Variants in GNG4 observed in about 807,000 individuals in gnomAD.
GNG4 encodes the protein G protein subunit gamma 4, also known as guanine nucleotide-binding protein G(I)/G(S)/G(O) subunit gamma-4.
Under a neutral mutation model 5.8 loss-of-function variants are expected in GNG4, and 4 were observed. That is an observed-to-expected ratio of 0.69 (90% confidence interval 0.34 to 1.57). The LOEUF is 1.57. GNG4 is among the 40% of genes most tolerant of loss of function. The pLI is 0.06. For missense variants in GNG4, 96 were observed against 95.1 expected (o/e 1.01, Z -0.04); for synonymous variants, 29 against 32.9 (o/e 0.88, Z 0.41).
chr1:235,588,052 C>G (rs1687867803), intron 2 of GNG4, among the ~76,000 whole-genome samples: 1 of 151,906 alleles, frequency 6.6e-6, no homozygotes, highest in African/African-American at 2.4e-5. Flanking sequence ...GCGCCCACCT[C>G]TCTCCCTCCC....
At chr1:235,628,960 C>T (rs113343157) in intron 1 of GNG4, among the ~76,000 whole-genome samples, 1 of 151,200 alleles carries the variant, frequency 6.6e-6, no homozygotes, top group African/African-American at 2.4e-5. Context: ...CACTTGTTCT[C>T]CTTGGAAGCG....
rs539630933 is a variant in GNG4 at position 235,599,363 on chromosome 1, C to T, written c.-122-3852G>A. Among the ~76,000 whole-genome samples the T allele has an allele frequency of 3.3e-5, 5 of 150,294 alleles. 1 individual carries two copies. In the South Asian group the frequency reaches 1.1e-3, roughly 32 times the overall value. ...ACAGAGTCTCGCTTTGTTGCCTAGG[C>T]TGGAGTGCAGTGACGCGATCTTGGT... On this transcript the variant is annotated intron_variant, in intron 1 of 3. Coordinates refer to ENST00000391854, the MANE Select transcript of GNG4 (RefSeq NM_001098722.2).
intron 3 of GNG4, among the ~76,000 whole-genome samples, chr1:235,562,609 C>T (rs936879248): frequency 7.1e-6 from 1 of 139,964 alleles, no homozygotes; most frequent in African/African-American, 2.7e-5. Flanking sequence ...GGCACCACTG[C>T]ACTCCAGCTT....
chr1:235,623,007 TCCAC>T (rs1376532280), intron 1 of GNG4, among the ~76,000 whole-genome samples: 1 of 151,450 alleles, frequency 6.6e-6, no homozygotes, highest in Non-Finnish European at 1.5e-5. Context: ...GCCACTGCAC[TCCAC>T]CCTGGGCAAC....
intron 2 of GNG4, among the ~76,000 whole-genome samples, chr1:235,588,644 G>T (rs757634730): frequency 7.9e-5 from 12 of 151,708 alleles, no homozygotes; most frequent in Non-Finnish European, 1.6e-4. Flanking sequence ...TCCAGCCTCT[G>T]CGAGGCCCTC....
intron 1 of GNG4, among the ~76,000 whole-genome samples, chr1:235,599,343 G>A (rs1688200894): frequency 6.7e-6 from 1 of 149,298 alleles, no homozygotes; most frequent in African/African-American, 2.5e-5. Flanking sequence ...TTGAGACAGA[G>A]TCTCGCTTTG....
At chr1:235,561,832 C>T (rs571351851) in intron 3 of GNG4, among the ~76,000 whole-genome samples, 317 of 152,304 alleles carry the variant, frequency 2.1e-3, no homozygotes, top group African/African-American at 7.3e-3. Flanking sequence ...AGCTTGTCTA[C>T]TTTTTTCTTT....
chr1:235,647,531 G>A (rs923549492), intron 1 of GNG4, among the ~76,000 whole-genome samples: 2 of 152,182 alleles, frequency 1.3e-5, no homozygotes. Flanking sequence ...GTAGTTTTGT[G>A]GTAGGCGTGG....
chr1:235,645,540 G>A (rs1657479365), intron 1 of GNG4, among the ~76,000 whole-genome samples: 1 of 152,182 alleles, frequency 6.6e-6, no homozygotes, highest in African/African-American at 2.4e-5. Flanking sequence ...GCTCACACCT[G>A]TAATCCCAGC....
chr1:235,614,251 T>G (rs1688541278), intron 1 of GNG4, among the ~76,000 whole-genome samples: 1 of 152,226 alleles, frequency 6.6e-6, no homozygotes, highest in African/African-American at 2.4e-5. Flanking sequence ...TGTAGTGATG[T>G]TCCGTCTTTC....
chr1:235,615,574 G>A, intron 1 of GNG4: 1 of 205,578 alleles, frequency 4.9e-6, no homozygotes. Context: ...CATTCCTGGG[G>A]CTTTTGATTT....
At chr1:235,649,905 T>C (rs1657627353), upstream of GNG4, 1 of 146,624 alleles carries the variant, frequency 6.8e-6, no homozygotes, top group African/African-American at 2.5e-5. The surrounding 1 kb of genome is among the most constrained non-coding windows in gnomAD (Gnocchi z 5.7). Context: ...CCCCCGGCCC[T>C]GGACGCTGGG....
intron 1 of GNG4, among the ~76,000 whole-genome samples, chr1:235,631,045 C>T (rs1260615692): frequency 5.9e-5 from 9 of 151,892 alleles, no homozygotes; most frequent in South Asian, 4.2e-4. Flanking sequence ...ATTACAGGCA[C>T]GCACCACCAT....
chr1:235,597,000 G>A (rs1384867485), intron 1 of GNG4, among the ~76,000 whole-genome samples: 4 of 151,994 alleles, frequency 2.6e-5, no homozygotes, highest in Non-Finnish European at 4.4e-5. Flanking sequence ...CTCCCAAAGT[G>A]CTGGGATTAC....
intron 1 of GNG4, among the ~76,000 whole-genome samples, chr1:235,619,399 A>G (rs1688664344): frequency 1.3e-5 from 2 of 151,946 alleles, no homozygotes; most frequent in South Asian, 2.1e-4. Flanking sequence ...TGTCTCAGGG[A>G]AAAAAACAAA....
chr1:235,568,411 T>C (rs1687253952), intron 3 of GNG4, among the ~76,000 whole-genome samples: 1 of 152,242 alleles, frequency 6.6e-6, no homozygotes, highest in African/African-American at 2.4e-5. Flanking sequence ...AGCTTTCTTA[T>C]GGTCTTAATG....
chr1:235,552,180 G>A lies in GNG4; in HGVS notation c.157C>T (p.Pro53Ser). The change falls in exon 4 of 4, where the codon CCT becomes TCT. Residue 53 changes from proline (P) to serine (S), a missense_variant. Physicochemically the swap from Pro to Ser is moderately conservative, Grantham distance 74. Coordinates refer to ENST00000391854, the MANE Select transcript of GNG4 (RefSeq NM_001098722.2). ...AYCEAHVRED[P>S]LIIPVPASEN... Reference sequence around the variant, plus strand: ...GATGCAGGCACTGGAATGATGAGAGGATCTTCCCGCACGTGAGCTTCACAG... The same window carrying A: ...GATGCAGGCACTGGAATGATGAGAGAATCTTCCCGCACGTGAGCTTCACAG... 1 of 1,613,656 alleles carries A rather than the reference G, an allele frequency of 6.2e-7. No homozygotes were observed. The highest frequency in any genetic ancestry group is 1.3e-5 in the African/African-American group (1 of 75,042).
chr1:235,591,445 T>A (rs60209053), intron 2 of GNG4, among the ~76,000 whole-genome samples: 1 of 152,130 alleles, frequency 6.6e-6, no homozygotes, highest in African/African-American at 2.4e-5. Context: ...GACAACCACA[T>A]GCTTTGAAGA....
intron 3 of GNG4, among the ~76,000 whole-genome samples, chr1:235,555,754 C>T (rs1030858655): frequency 4.6e-5 from 7 of 151,306 alleles, no homozygotes; most frequent in African/African-American, 1.7e-4. Flanking sequence ...TGGTGTACAA[C>T]ATGATGTTTT....
Sources: gnomAD v4.1 joint callset for allele counts (sites outside exome capture counted in the v4.1 genomes callset) on GRCh38, gnomAD v4.1.1 for gene constraint, Gnocchi (gnomAD v3.1) non-coding constraint, MANE v1.5 for transcripts, NCBI Gene and HGNC (gene_info 2026-07-23, HGNC 2026-07-21) for gene names.